Variants in NXN observed in about 807,000 individuals in gnomAD.
NXN encodes nucleoredoxin 1.
In NXN, 16 loss-of-function variants were observed where a neutral mutation model predicts 48.6. The observed-to-expected ratio is 0.33, with a 90% CI of 0.22 to 0.50. The LOEUF is 0.50. Ranked by LOEUF, NXN falls within the 20% of genes least tolerant of loss-of-function variation. The pLI, the probability that NXN is intolerant of heterozygous loss-of-function variation, is 0.98. For synonymous variants in NXN, 281 were observed against 269.6 expected (o/e 1.04, Z -0.41); for missense variants, 492 against 605.5 (o/e 0.81, Z 1.97).
chr17:875,035 C>CTT (rs949191533), intron 1 of NXN, among the ~76,000 whole-genome samples: 1 of 146,910 alleles, frequency 6.8e-6, no homozygotes, highest in Non-Finnish European at 1.5e-5. Context: ...TACCTTTTTT[C>CTT]TTTTTTTTTT....
At chr17:801,505 G>A (rs1018958160) in intron 7 of NXN, among the ~76,000 whole-genome samples, 2 of 136,988 alleles carry the variant, frequency 1.5e-5, no homozygotes, top group African/African-American at 5.4e-5. Context: ...GAGTGCAGTG[G>A]CACGATCTCG....
In NXN at chr17:956,506, C is replaced by G. The variant is rs995880831; in HGVS notation, c.360+22813G>C. Among the ~76,000 whole-genome samples, 1 of 152,158 alleles carries G rather than the reference C, an allele frequency of 6.6e-6. No homozygotes were observed. Among genetic ancestry groups the G allele is most frequent in the Non-Finnish European group, 1.5e-5 (1 of 68,008 alleles). On this transcript the variant is annotated intron_variant, in intron 1 of 7. Coordinates refer to ENST00000336868, the MANE Select transcript of NXN (RefSeq NM_022463.5). This position sits in a 1 kb window ranked among gnomAD's most constrained non-coding sequence, Gnocchi z 4.1. ...TCAGCTCACTGCAACCTCCACCTCC[C>G]GGGTTCCCGCCATTCTCCTGCCTCA... is the stretch of plus-strand genomic sequence containing the variant.
At chr17:948,167 A>G (rs1315863908) in intron 1 of NXN, among the ~76,000 whole-genome samples, 2 of 152,220 alleles carry the variant, frequency 1.3e-5, no homozygotes, top group African/African-American at 4.8e-5. Context: ...TATTAGATGT[A>G]TTAGGTATTA....
intron 1 of NXN, chr17:877,908 C>CT (rs969827751): frequency 7.2e-5 from 11 of 152,222 alleles, no homozygotes; most frequent in Non-Finnish European, 1.3e-4. Flanking sequence ...CCATGAAGCT[C>CT]TGAAGGCTGC....
chr17:867,315 G>A (rs199651354), intron 1 of NXN, among the ~76,000 whole-genome samples: 5,920 of 117,080 alleles, frequency 0.051, 111 homozygotes, highest in South Asian at 0.13. Flanking sequence ...GCAAGTTCTC[G>A]GGGTTCTCCG....
At chr17:827,392 G>A (rs1913175692) in intron 1 of NXN, among the ~76,000 whole-genome samples, 2 of 152,138 alleles carry the variant, frequency 1.3e-5, no homozygotes, top group African/African-American at 4.8e-5. Flanking sequence ...GGAGGCTGAG[G>A]CGGGTGGATC....
At chr17:812,804 GAGTGTA>G (rs1912193107) in intron 5 of NXN, among the ~76,000 whole-genome samples, 1 of 150,928 alleles carries the variant, frequency 6.6e-6, no homozygotes. Flanking sequence ...GTGTGTGCGT[GAGTGTA>G]GGTGTGTGTG....
At chr17:935,411 C>A (rs1478007429) in intron 1 of NXN, among the ~76,000 whole-genome samples, 1 of 152,150 alleles carries the variant, frequency 6.6e-6, no homozygotes, top group Non-Finnish European at 1.5e-5. Context: ...CCAGAAACCC[C>A]CCAGCTGAAG....
In NXN at chr17:978,835, G is replaced by GCCCTC. The variant is rs569206325; in HGVS notation, c.360+479_360+483dup. ...TGGGCGCCACGGGCGGGGGGCGTGCGCCCTCCCCTCCCCTCCCCTCCCCAC... is the reference window on the plus strand; with the variant it reads ...TGGGCGCCACGGGCGGGGGGCGTGCGCCCTCCCCTCCCCTCCCCTCCCCTCCCCAC... On this transcript the variant is annotated intron_variant, in intron 1 of 7. Transcript: ENST00000336868. The surrounding 1 kb of genome is among the most constrained non-coding windows in gnomAD (Gnocchi z 4.1). Among the ~76,000 whole-genome samples the GCCCTC allele has an allele frequency of 7.0e-3, 1,062 of 151,302 alleles. 16 individuals are homozygous for GCCCTC. The highest frequency in any genetic ancestry group is 0.024 in the African/African-American group (1,004 of 41,228).
intron 1 of NXN, among the ~76,000 whole-genome samples, chr17:973,326 G>C (rs553890844): frequency 6.6e-6 from 1 of 152,156 alleles, no homozygotes; most frequent in Non-Finnish European, 1.5e-5. Flanking sequence ...TTTCCCACGC[G>C]AAACAGCAGT....
intron 1 of NXN, chr17:880,217 A>T (rs1424769310): frequency 6.6e-6 from 1 of 152,170 alleles, no homozygotes; most frequent in Non-Finnish European, 1.5e-5. Flanking sequence ...TGGGCGAATC[A>T]TTCCTGGGGA....
intron 1 of NXN, among the ~76,000 whole-genome samples, chr17:879,312 CAG>C (rs1567845609): frequency 2.1e-5 from 3 of 145,302 alleles, no homozygotes; most frequent in African/African-American, 7.6e-5. Flanking sequence ...TTTTTTGAGA[CAG>C]AGTCTCACTC....
chr17:909,959 T>C (rs1341091450), intron 1 of NXN: 1 of 152,178 alleles, frequency 6.6e-6, no homozygotes, highest in Non-Finnish European at 1.5e-5. Context: ...TTAATATCTA[T>C]ATCTATCCAC....
chr17:909,239 T>G (rs545753001), intron 1 of NXN, among the ~76,000 whole-genome samples: 2 of 152,300 alleles, frequency 1.3e-5, no homozygotes, highest in South Asian at 4.1e-4. Flanking sequence ...GTTTTGTTTT[T>G]CACTTTTAAT....
intron 1 of NXN, among the ~76,000 whole-genome samples, chr17:969,392 TG>T (rs2069345412): frequency 6.6e-6 from 1 of 152,196 alleles, no homozygotes; most frequent in African/African-American, 2.4e-5. Flanking sequence ...TCGTCTACTA[TG>T]GAACACACTT....
rs1430904284 is a variant in NXN, at chr17:919,870, T to A, written c.360+59449A>T. Among the ~76,000 whole-genome samples, 2 of 152,188 alleles carry A rather than the reference T, an allele frequency of 1.3e-5. No homozygotes were observed. Among genetic ancestry groups the A allele is most frequent in the Non-Finnish European group, 2.9e-5 (2 of 68,010 alleles). On this transcript the variant is annotated intron_variant, in intron 1 of 7. Transcript: ENST00000336868. The surrounding 1 kb of genome is among the most constrained non-coding windows in gnomAD (Gnocchi z 5.1). ...ATCTAGCTACATAGCTACACCTCCCTCTTGTCACCTTGCAGACTGGTATTC... is the reference window on the plus strand; with the variant it reads ...ATCTAGCTACATAGCTACACCTCCCACTTGTCACCTTGCAGACTGGTATTC...
chr17:952,178 G>A (rs1204430589), intron 1 of NXN, among the ~76,000 whole-genome samples: 1 of 127,042 alleles, frequency 7.9e-6, no homozygotes, highest in Non-Finnish European at 1.9e-5. Context: ...ACACTGTGGG[G>A]GGGCTGGGGT....
At chr17:885,189 C>T (rs973942877) in intron 1 of NXN, among the ~76,000 whole-genome samples, 1 of 152,138 alleles carries the variant, frequency 6.6e-6, no homozygotes, top group Non-Finnish European at 1.5e-5. Context: ...TGCGGCCGGT[C>T]GCAGTGGCTC....
intron 1 of NXN, among the ~76,000 whole-genome samples, chr17:859,064 G>A (rs2068016200): frequency 6.6e-6 from 1 of 152,182 alleles, no homozygotes; most frequent in South Asian, 2.1e-4. Flanking sequence ...CGAAGGCCAT[G>A]GCACCTCCAC....
Sources: gnomAD v4.1 joint callset for allele counts (sites outside exome capture counted in the v4.1 genomes callset) on GRCh38, gnomAD v4.1.1 for gene constraint, Gnocchi (gnomAD v3.1) non-coding constraint, MANE v1.5 for transcripts, NCBI Gene and HGNC (gene_info 2026-07-23, HGNC 2026-07-21) for gene names.